SGCZ: variants seen among roughly 807,000 people sequenced by gnomAD.
SGCZ encodes the protein zeta-sarcoglycan.
SGCZ carries 40 observed loss-of-function variants against 41.3 expected under a neutral mutation model. That is an observed-to-expected ratio of 0.97 (90% CI 0.75 to 1.26). The LOEUF (loss-of-function observed/expected upper bound fraction) is 1.26, where lower values mean the gene tolerates loss of function less well. SGCZ is among the 50% of genes most tolerant of loss of function. SGCZ has a pLI of 0.00. For missense variants in SGCZ, 552 were observed against 369.8 expected (o/e 1.49, Z -4.04); for synonymous variants, 206 against 137.5 (o/e 1.50, Z -3.49).
intron 1 of SGCZ, among the ~76,000 whole-genome samples, chr8:14,715,597 C>A (rs761844266): frequency 2.0e-5 from 3 of 151,628 alleles, no homozygotes; most frequent in Admixed American, 6.6e-5. Context: ...TGTAGAAGAC[C>A]ATGGCCAATG....
rs143022427 is a variant in SGCZ, at chr8:14,224,004, G to C, written c.424+13588C>G. The stretch of plus-strand genomic sequence containing the variant: ...TTTATGTTTAAGAAACGGAGGCACA[G>C]AGAAGTCAACTGGACACCCTCAACT... On this transcript the variant is annotated intron_variant, in intron 4 of 7. Coordinates refer to ENST00000382080, the MANE Select transcript of SGCZ (RefSeq NM_139167.4). Among the ~76,000 whole-genome samples the C allele has an allele frequency of 1.3e-3, 194 of 152,236 alleles. No homozygotes were observed. In the Middle Eastern group the frequency reaches 0.017, roughly 13 times the overall value.
rs1235680912 is a variant in SGCZ at position 14,416,409 on chromosome 8, C to G, written c.235-92205G>C. On this transcript the variant is annotated intron_variant, in intron 2 of 7. Transcript: ENST00000382080. ...GATCTTATTATATTAGGAGTATAAG[C>G]AAGATAATAGTAAAGAACGAAAGAG... Among the ~76,000 whole-genome samples, 4 of 151,658 alleles carry G rather than the reference C, an allele frequency of 2.6e-5. No individual in the cohort carries two copies. The South Asian group carries it at 8.3e-4, about 32-fold the overall frequency.
intron 1 of SGCZ, among the ~76,000 whole-genome samples, chr8:14,855,270 G>C (rs1803503661): frequency 6.6e-6 from 1 of 151,952 alleles, no homozygotes; most frequent in African/African-American, 2.4e-5. Flanking sequence ...GGCTGGTTTT[G>C]AACTCCTGAC....
chr8:15,026,577 A>T (rs540517778), intron 1 of SGCZ, among the ~76,000 whole-genome samples: 1 of 152,330 alleles, frequency 6.6e-6, no homozygotes, highest in South Asian at 2.1e-4. Flanking sequence ...CTGTGCTCAG[A>T]TACCACTAGA....
intron 1 of SGCZ, among the ~76,000 whole-genome samples, chr8:15,088,924 C>T (rs947862413): frequency 1.3e-5 from 2 of 152,128 alleles, no homozygotes; most frequent in Admixed American, 6.6e-5. Flanking sequence ...TTTTAAATTT[C>T]TCATTTTCCT....
chr8:14,554,357 T>C (rs1803964978), intron 2 of SGCZ, among the ~76,000 whole-genome samples: 1 of 152,042 alleles, frequency 6.6e-6, no homozygotes, highest in Non-Finnish European at 1.5e-5. Flanking sequence ...GCACATATGA[T>C]TTATAAAAGT....
At position 14,108,254 on chromosome 8, in the gene SGCZ, T is replaced by C. The variant is rs1468003605; in HGVS notation, c.548-19A>G. The C allele has an allele frequency of 2.2e-5, 36 of 1,611,608 alleles. No individual in the cohort carries two copies. Among genetic ancestry groups the C allele is most frequent in the Admixed American group, 3.3e-5 (2 of 59,962 alleles). On this transcript the variant is annotated intron_variant, in intron 5 of 7. Coordinates refer to ENST00000382080, the MANE Select transcript of SGCZ (RefSeq NM_139167.4). ...TCAGTGCCTGGGGGTAGCATGAATA[T>C]AGCAGTCAGTATAAGCAAGTCCACA...
At chr8:14,794,846 G>A (rs1472623161) in intron 1 of SGCZ, among the ~76,000 whole-genome samples, 1 of 152,110 alleles carries the variant, frequency 6.6e-6, no homozygotes, top group African/African-American at 2.4e-5. Flanking sequence ...TTCTGAACAG[G>A]AACACTACAG....
At chr8:14,822,122 T>TTAG (rs1802117980) in intron 1 of SGCZ, among the ~76,000 whole-genome samples, 1 of 148,470 alleles carries the variant, frequency 6.7e-6, no homozygotes, top group Non-Finnish European at 1.5e-5. Context: ...TTAGAACTAA[T>TTAG]AAATAAATTC....
chr8:14,618,955 T>A (rs147522056), intron 1 of SGCZ, among the ~76,000 whole-genome samples: 1 of 152,146 alleles, frequency 6.6e-6, no homozygotes, highest in Non-Finnish European at 1.5e-5. Flanking sequence ...ACATGTTTTA[T>A]GGAAAATCGA....
chr8:14,559,705 A>T (rs1001343279), intron 1 of SGCZ, among the ~76,000 whole-genome samples: 18 of 152,116 alleles, frequency 1.2e-4, no homozygotes, highest in Non-Finnish European at 2.1e-4. Context: ...CCATTGAGGC[A>T]TGTTATGCTT....
rs953587398 is a variant in SGCZ at position 14,517,046 on chromosome 8, G to A, written c.234+37686C>T. 2.0e-5 allele frequency among the ~76,000 whole-genome samples: 3 copies of A among 151,742 alleles called. No individual in the cohort carries two copies. In the Admixed American group the frequency reaches 2.0e-4, roughly 10 times the overall value. Reference sequence around the variant, plus strand: ...TAGTGCACAGTGATTCTCCCCCTATGACTCGTAAATTTTCAATAAGTCTTC... The same window carrying A: ...TAGTGCACAGTGATTCTCCCCCTATAACTCGTAAATTTTCAATAAGTCTTC... On this transcript the variant is annotated intron_variant, in intron 2 of 7. Coordinates refer to ENST00000382080, the MANE Select transcript of SGCZ (RefSeq NM_139167.4).
intron 1 of SGCZ, among the ~76,000 whole-genome samples, chr8:14,576,066 A>C (rs1337415802): frequency 1.3e-5 from 2 of 152,214 alleles, no homozygotes; most frequent in African/African-American, 4.8e-5. Context: ...TACGCATGTA[A>C]GTCATGCTCA....
intron 4 of SGCZ, among the ~76,000 whole-genome samples, chr8:14,173,046 T>G (rs1341060880): frequency 6.6e-6 from 1 of 152,096 alleles, no homozygotes; most frequent in Admixed American, 6.6e-5. Context: ...AGTGCCACAG[T>G]TTAGAACTAA....
At chr8:14,796,872 A>C (rs1801150324) in intron 1 of SGCZ, among the ~76,000 whole-genome samples, 1 of 152,090 alleles carries the variant, frequency 6.6e-6, no homozygotes, top group Admixed American at 6.5e-5. Context: ...ACAAGATCTG[A>C]TGGTTTTATA....
intron 3 of SGCZ, among the ~76,000 whole-genome samples, chr8:14,298,838 A>T (rs1385070335): frequency 6.6e-6 from 1 of 151,966 alleles, no homozygotes; most frequent in East Asian, 1.9e-4. Flanking sequence ...ATTCTGCAGA[A>T]ATCAACATTT....
rs1585678619 is a variant in SGCZ, at chr8:15,211,365, G to C, written c.39+26220C>G. Reference sequence around the variant, plus strand: ...ATCAGACTCCTTTACCTTTCCCAATGTGCTTTCTGTGTTTTTGAAGTCTAT... The same window carrying C: ...ATCAGACTCCTTTACCTTTCCCAATCTGCTTTCTGTGTTTTTGAAGTCTAT... On this transcript the variant is annotated intron_variant, in intron 1 of 7. Transcript: ENST00000382080. 3.3e-5 allele frequency among the ~76,000 whole-genome samples: 5 copies of C among 151,060 alleles called. No individual in the cohort carries two copies. The East Asian group carries it at 9.7e-4, about 29-fold the overall frequency.
intron 1 of SGCZ, among the ~76,000 whole-genome samples, chr8:14,997,978 C>A (rs905832584): frequency 6.6e-6 from 1 of 151,958 alleles, no homozygotes; most frequent in Non-Finnish European, 1.5e-5. Flanking sequence ...AAAAAAAAAT[C>A]CTAGTCATGT....
At chr8:15,191,446 T>A (rs550424846) in intron 1 of SGCZ, among the ~76,000 whole-genome samples, 1 of 152,082 alleles carries the variant, frequency 6.6e-6, no homozygotes, top group Non-Finnish European at 1.5e-5. Flanking sequence ...AACTTAGGAA[T>A]GTTAAATAGT....
Sources: allele counts gnomAD v4.1 joint callset (sites outside exome capture counted in the v4.1 genomes callset), GRCh38; gene constraint gnomAD v4.1.1; transcripts MANE v1.5; gene names NCBI Gene and HGNC (gene_info 2026-07-23, HGNC 2026-07-21).